MPPED1: variants seen among roughly 807,000 people sequenced by gnomAD.
The protein encoded by MPPED1 is metallophosphoesterase domain-containing protein 1.
Under a neutral mutation model 36.2 loss-of-function variants are expected in MPPED1, and 16 were observed. That is an observed-to-expected ratio of 0.44 (90% confidence interval 0.30 to 0.67). The LOEUF is 0.67. Among genes scored for constraint, MPPED1 ranks in the 30% least tolerant of loss-of-function variants. MPPED1 has a pLI of 0.10. For missense variants in MPPED1, 307 were observed against 453.4 expected, an observed-to-expected ratio of 0.68 and a Z score of 2.93; for synonymous variants, 199 against 191.3, an observed-to-expected ratio of 1.04 and a Z score of -0.33.
intron 3 of MPPED1, among the ~76,000 whole-genome samples, chr22:43,465,283 T>A (rs1281860610): frequency 6.6e-6 from 1 of 152,148 alleles, no homozygotes; most frequent in Middle Eastern, 3.2e-3. Context: ...ACCATGACAG[T>A]TGGGAGGCTG....
chr22:43,488,903 G>A (rs1602009250), intron 4 of MPPED1, among the ~76,000 whole-genome samples: 2 of 152,238 alleles, frequency 1.3e-5, no homozygotes. Context: ...CCCTCAGGGT[G>A]GTGAGGTTGG....
At chr22:43,425,347 A>G in intron 2 of MPPED1, 138 bp downstream of exon 2, 1 of 1,393,472 alleles carries the variant, frequency 7.2e-7, no homozygotes, top group Non-Finnish European at 9.5e-7. Context: ...CTGGAATTCT[A>G]GGATCATCGG....
intron 4 of MPPED1, among the ~76,000 whole-genome samples, chr22:43,495,211 AGTGGAGGTGGTGGTGGTG>A (rs1234911660): frequency 2.8e-5 from 3 of 107,832 alleles, no homozygotes; most frequent in African/African-American, 7.3e-5. Flanking sequence ...TGGTGATGGA[AGTGGAGGTGGTGGTGGTG>A]GTGGAGGTGG....
chr22:43,417,447 C>CT (rs11431981), intron 1 of MPPED1, among the ~76,000 whole-genome samples: 54,449 of 132,208 alleles, frequency 0.41, 12,352 homozygotes, highest in Non-Finnish European at 0.53. Context: ...AGTCCCTCTG[C>CT]TTTTTTTTTT....
At chr22:43,421,387 TCCGGGA>T (rs1929269618) in intron 1 of MPPED1, among the ~76,000 whole-genome samples, 1 of 152,254 alleles carries the variant, frequency 6.6e-6, no homozygotes, top group Non-Finnish European at 1.5e-5. Context: ...GCGGAGCGCC[TCCGGGA>T]GCCTTGCCGC....
At chr22:43,420,849 C>T (rs1929247398) in intron 1 of MPPED1, among the ~76,000 whole-genome samples, 1 of 152,248 alleles carries the variant, frequency 6.6e-6, no homozygotes, top group Admixed American at 6.5e-5. Context: ...CCATGTTCCT[C>T]AAGGGCAGGA....
intron 1 of MPPED1, among the ~76,000 whole-genome samples, chr22:43,422,197 A>G (rs7285413): frequency 0.22 from 33,510 of 152,278 alleles, 5,087 homozygotes; most frequent in East Asian, 0.62. Context: ...CCAGGCAGCT[A>G]GGTCTGGGGG....
At chr22:43,413,972 C>T (rs945499263) in intron 1 of MPPED1, among the ~76,000 whole-genome samples, 1 of 152,194 alleles carries the variant, frequency 6.6e-6, no homozygotes, top group Admixed American at 6.5e-5. Context: ...GAGTCACCTA[C>T]ATGGCCGAGG....
intron 4 of MPPED1, among the ~76,000 whole-genome samples, chr22:43,484,153 C>A (rs1931837578): frequency 6.6e-6 from 1 of 152,248 alleles, no homozygotes; most frequent in Non-Finnish European, 1.5e-5. Flanking sequence ...CAGCACAAGG[C>A]TGGCCTTTCC....
At chr22:43,500,290 G>GATGGAGGTGGTAATGGA (rs1932665014) in intron 5 of MPPED1, among the ~76,000 whole-genome samples, 1 of 9,042 alleles carries the variant, frequency 1.1e-4, no homozygotes, top group Non-Finnish European at 2.1e-4. Context: ...GTGGTGATGG[G>GATGGAGGTGGTAATGGA]GGTGGTGGTG....
intron 2 of MPPED1, among the ~76,000 whole-genome samples, chr22:43,432,184 T>C (rs1437359456): frequency 6.8e-6 from 1 of 147,976 alleles, no homozygotes; most frequent in Admixed American, 6.9e-5. Context: ...TTATGACATC[T>C]TCAAAACCTC....
intron 5 of MPPED1, among the ~76,000 whole-genome samples, chr22:43,498,841 G>A (rs963828152): frequency 8.6e-5 from 13 of 151,062 alleles, no homozygotes; most frequent in Non-Finnish European, 1.8e-4. Flanking sequence ...CCCCTCATCT[G>A]CATACTGCCT....
Position 43,507,095 on chromosome 22 carries a change from G to A in MPPED1, c.*1479G>A, listed in dbSNP as rs572833810. On this transcript the variant is annotated 3_prime_UTR_variant, in exon 7 of 7. Coordinates refer to ENST00000443721, the MANE Select transcript of MPPED1 (RefSeq NM_001044370.2). ...TACTTTAGTCCCATTTTAGAGATGA[G>A]ACGATTGAGGCCAGAGGGGTGTGGT... 2.6e-5 allele frequency: 4 copies of A among 152,178 alleles called. No individual in the cohort carries two copies. The highest frequency in any genetic ancestry group is 4.4e-5 in the Non-Finnish European group (3 of 68,032). The allele number at this position is 152,178 out of a possible 1,614,324, so 9.4% of individuals were successfully genotyped here.
chr22:43,462,126 C>T (rs998129297), intron 3 of MPPED1, among the ~76,000 whole-genome samples: 9 of 152,184 alleles, frequency 5.9e-5, no homozygotes, highest in African/African-American at 2.2e-4. Context: ...TTTCCATCAA[C>T]CTTAATTGTG....
intron 2 of MPPED1, among the ~76,000 whole-genome samples, chr22:43,427,002 G>A (rs1929501754): frequency 6.6e-6 from 1 of 152,216 alleles, no homozygotes; most frequent in Admixed American, 6.5e-5. Flanking sequence ...TCTTTTGCTG[G>A]TGAGGTTCAT....
At chr22:43,496,461 A>T (rs1450895904) in intron 4 of MPPED1, among the ~76,000 whole-genome samples, 2 of 3,404 alleles carry the variant, frequency 5.9e-4, no homozygotes, top group Non-Finnish European at 9.7e-4. Flanking sequence ...GTGGTGGTGG[A>T]GATGGTGGTG....
Position 43,475,795 on chromosome 22 carries a change from TATGGTG to T in MPPED1, c.632+841_632+846del, listed in dbSNP as rs1272889408. ...AGGGTGAGGGTGAGGGTGATGATAG[TATGGTG>T]ATGGTGGTGGTGTGATGATGATATT... On this transcript the variant is annotated intron_variant, in intron 4 of 6. Transcript: ENST00000443721. Among the ~76,000 whole-genome samples the T allele has an allele frequency of 1.6e-4, 15 of 92,816 alleles. 1 individual carries two copies. In the Admixed American group the frequency reaches 1.6e-3, roughly 10 times the overall value. 60.9% of individuals were successfully genotyped at this position (92,816 alleles called of 152,430 possible).
intron 3 of MPPED1, among the ~76,000 whole-genome samples, chr22:43,468,110 G>A (rs899359170): frequency 2.6e-5 from 4 of 152,208 alleles, no homozygotes; most frequent in Admixed American, 6.5e-5. Flanking sequence ...AATGGAAAGT[G>A]AAAACAACAG....
At chr22:43,416,567 G>C (rs943447959) in intron 1 of MPPED1, 9 of 152,188 alleles carry the variant, frequency 5.9e-5, no homozygotes, top group Admixed American at 1.3e-4. Flanking sequence ...TAAGCGGGAA[G>C]GGGACACGAT....
Sources: gnomAD v4.1 joint callset for allele counts (sites outside exome capture counted in the v4.1 genomes callset) on GRCh38, gnomAD v4.1.1 for gene constraint, MANE v1.5 for transcripts, NCBI Gene and HGNC (gene_info 2026-07-23, HGNC 2026-07-21) for gene names.